The following CNTNAP2 variants were observed in gnomAD, a reference collection of about 807,000 sequenced individuals.
CNTNAP2 encodes contactin associated protein 2.
Under a neutral mutation model 155.2 loss-of-function variants are expected in CNTNAP2, and 98 were observed. The observed-to-expected ratio is 0.63, with a 90% confidence interval of 0.54 to 0.75. The LOEUF is 0.75. Among genes scored for constraint, CNTNAP2 ranks in the 30% least tolerant of loss-of-function variants. The pLI is 0.00. For missense variants in CNTNAP2, 1,727 were observed against 1,688.1 expected (o/e 1.02, Z -0.40); for synonymous variants, 651 against 631.2 (o/e 1.03, Z -0.47).
At chr7:148,285,872 C>G (rs1377496480) in intron 21 of CNTNAP2, among the ~76,000 whole-genome samples, 1 of 152,144 alleles carries the variant, frequency 6.6e-6, no homozygotes, top group East Asian at 1.9e-4. Context: ...TTGCATACAA[C>G]TTTTGGCTTT....
intron 11 of CNTNAP2, among the ~76,000 whole-genome samples, chr7:147,518,514 T>C (rs1006031955): frequency 2.6e-5 from 4 of 152,176 alleles, no homozygotes; most frequent in Non-Finnish European, 4.4e-5. Context: ...TATGAGAACA[T>C]ATGTCTGTCA....
rs964432697 is a variant in CNTNAP2 at position 146,929,710 on chromosome 7, A to G, written c.402+89806A>G. Among the ~76,000 whole-genome samples, 18 of 152,312 alleles carry G rather than the reference A, an allele frequency of 1.2e-4. No homozygotes were observed. In the East Asian group the frequency reaches 3.5e-3, roughly 29 times the overall value. On this transcript the variant is annotated intron_variant, in intron 3 of 23. Coordinates refer to ENST00000361727, the MANE Select transcript of CNTNAP2 (RefSeq NM_014141.6). Reference sequence around the variant, plus strand: ...CTTTGAAAAAAATTTAGACAAAAGTATAACTAGAATAACCAATACAGAGAA... The same window carrying G: ...CTTTGAAAAAAATTTAGACAAAAGTGTAACTAGAATAACCAATACAGAGAA...
At chr7:147,923,038 A>G (rs552222320) in intron 14 of CNTNAP2, among the ~76,000 whole-genome samples, 118 of 150,688 alleles carry the variant, frequency 7.8e-4, no homozygotes, top group African/African-American at 2.7e-3. Flanking sequence ...AACATGGAAA[A>G]TGAGGTCAGG....
At chr7:146,992,347 T>C (rs1798223770) in intron 3 of CNTNAP2, among the ~76,000 whole-genome samples, 5 of 151,514 alleles carry the variant, frequency 3.3e-5, no homozygotes, top group Admixed American at 3.3e-4. Context: ...ATTTAATACA[T>C]ATTGTTGTAG....
intron 1 of CNTNAP2, among the ~76,000 whole-genome samples, chr7:146,669,958 T>G (rs879663821): frequency 6.6e-6 from 1 of 152,152 alleles, no homozygotes; most frequent in Non-Finnish European, 1.5e-5. Flanking sequence ...TGGAGAGCAA[T>G]CAAATTTTGT....
chr7:147,456,513 T>C (rs926758123), intron 10 of CNTNAP2, among the ~76,000 whole-genome samples: 2 of 152,080 alleles, frequency 1.3e-5, no homozygotes, highest in Non-Finnish European at 2.9e-5. Context: ...AGTTTTTCAA[T>C]TTTTTTTCTT....
intron 1 of CNTNAP2, among the ~76,000 whole-genome samples, chr7:146,700,126 A>G (rs915051999): frequency 6.6e-6 from 1 of 152,090 alleles, no homozygotes; most frequent in African/African-American, 2.4e-5. Flanking sequence ...GCCCCTTCCA[A>G]GACTGGACCT....
intron 21 of CNTNAP2, among the ~76,000 whole-genome samples, chr7:148,273,207 T>C (rs1348064483): frequency 6.6e-6 from 1 of 152,220 alleles, no homozygotes; most frequent in African/African-American, 2.4e-5. Flanking sequence ...AGATTAGATA[T>C]AGCCTAAATA....
intron 13 of CNTNAP2, among the ~76,000 whole-genome samples, chr7:147,688,389 T>C (rs867528463): frequency 3.3e-5 from 5 of 152,180 alleles, no homozygotes; most frequent in African/African-American, 1.2e-4. Flanking sequence ...ACTTTTCAAA[T>C]GCAAGCATGC....
At chr7:147,643,093 G>T (rs1346002748) in intron 13 of CNTNAP2, among the ~76,000 whole-genome samples, 1 of 151,168 alleles carries the variant, frequency 6.6e-6, no homozygotes, top group Admixed American at 6.6e-5. Context: ...AACACCCATG[G>T]GTAATTCTGT....
At chr7:147,929,492 T>A (rs895690959) in intron 14 of CNTNAP2, among the ~76,000 whole-genome samples, 8 of 152,188 alleles carry the variant, frequency 5.3e-5, no homozygotes, top group African/African-American at 1.9e-4. Context: ...ATAATGTGAT[T>A]TAAACAATAT....
At chr7:148,352,853 C>A (rs1319448004) in intron 21 of CNTNAP2, among the ~76,000 whole-genome samples, 1 of 152,186 alleles carries the variant, frequency 6.6e-6, no homozygotes, top group Non-Finnish European at 1.5e-5. Flanking sequence ...ACACATTTAC[C>A]TTTTGGCCTC....
intron 14 of CNTNAP2, among the ~76,000 whole-genome samples, chr7:147,928,518 T>C (rs1800438110): frequency 6.6e-6 from 1 of 152,168 alleles, no homozygotes; most frequent in South Asian, 2.1e-4. Context: ...TTTAAAGCGA[T>C]GAATTGTCTT....
At chr7:148,380,493 A>G (rs567954084) in intron 21 of CNTNAP2, among the ~76,000 whole-genome samples, 209 of 152,348 alleles carry the variant, frequency 1.4e-3, no homozygotes, top group South Asian at 3.3e-3. Flanking sequence ...AGTTTTAACA[A>G]CCATTTACAT....
At chr7:146,719,166 A>C (rs1472740462) in intron 1 of CNTNAP2, among the ~76,000 whole-genome samples, 1 of 152,188 alleles carries the variant, frequency 6.6e-6, no homozygotes, top group Admixed American at 6.6e-5. Context: ...CAATTCTTGC[A>C]CCTGATTTGG....
intron 1 of CNTNAP2, among the ~76,000 whole-genome samples, chr7:146,744,889 A>G (rs772957313): frequency 6.6e-5 from 10 of 152,220 alleles, no homozygotes; most frequent in Non-Finnish European, 1.3e-4. Context: ...AGTGATAAAG[A>G]CAATAGAATA....
At position 147,472,031 on chromosome 7, in the gene CNTNAP2, T is replaced by C. The variant is rs538078615; in HGVS notation, c.1671-13904T>C. On this transcript the variant is annotated intron_variant, in intron 10 of 23. Transcript: ENST00000361727. ...TGTGTGCAAAGGCAGCCTCACACTT[T>C]TCTGCTCAGTGTTCAGTTGACACCT... Among the ~76,000 whole-genome samples, 6 of 152,242 alleles carry C rather than the reference T, an allele frequency of 3.9e-5. No homozygotes were observed. The East Asian group carries it at 1.2e-3, about 29-fold the overall frequency.
chr7:148,173,602 A>G (rs779524226), intron 18 of CNTNAP2, among the ~76,000 whole-genome samples: 27 of 152,242 alleles, frequency 1.8e-4, no homozygotes, highest in African/African-American at 5.1e-4. Flanking sequence ...GCATGAGACA[A>G]CAACAAAGGT....
At chr7:146,474,674 A>T (rs527986009) in intron 1 of CNTNAP2, among the ~76,000 whole-genome samples, 118 of 152,328 alleles carry the variant, frequency 7.7e-4, no homozygotes, top group African/African-American at 2.6e-3. Context: ...AAAATAACAC[A>T]TCTTTAAAAA....
Sources: gnomAD v4.1 joint callset for allele counts (sites outside exome capture counted in the v4.1 genomes callset) on GRCh38, gnomAD v4.1.1 for gene constraint, MANE v1.5 for transcripts, NCBI Gene and HGNC (gene_info 2026-07-23, HGNC 2026-07-21) for gene names.